The following TSPEAR variants were observed in gnomAD, a reference collection of about 807,000 sequenced individuals.
TSPEAR encodes the protein thrombospondin-type laminin G domain and EAR repeat-containing protein.
In TSPEAR, 69 loss-of-function variants were observed where a neutral mutation model predicts 71.6. That is an observed-to-expected ratio of 0.96 (90% CI 0.79 to 1.18). TSPEAR has a LOEUF of 1.18. Ranked by LOEUF, TSPEAR falls within the 50% of genes most tolerant of loss-of-function variation. The pLI, the probability that TSPEAR is intolerant of heterozygous loss-of-function variation, is 0.00. For synonymous variants in TSPEAR, 402 were observed against 387.2 expected (o/e 1.04, Z -0.45); for missense variants, 971 against 894.9 (o/e 1.09, Z -1.09).
chr21:44,705,875 C>T (rs889301338), intron 1 of TSPEAR, among the ~76,000 whole-genome samples: 1 of 152,258 alleles, frequency 6.6e-6, no homozygotes, highest in South Asian at 2.1e-4. Context: ...CACACCTATT[C>T]GCACACTCCT....
chr21:44,540,229 TG>T, intron 2 of TSPEAR: 1 of 1,566,694 alleles, frequency 6.4e-7, no homozygotes, highest in Non-Finnish European at 8.7e-7. Flanking sequence ...AGTGACTGAG[TG>T]TGTGAGTGAG....
At chr21:44,585,366 C>G (rs1601447887) in intron 1 of TSPEAR, among the ~76,000 whole-genome samples, 1 of 152,306 alleles carries the variant, frequency 6.6e-6, no homozygotes, top group South Asian at 2.1e-4. Context: ...TTCATTTCAC[C>G]AGACCCCTCC....
Position 44,528,462 on chromosome 21 carries a change from G to C in TSPEAR, c.912C>G (p.Ser304=). The change falls in exon 6 of 12, where the codon TCC becomes TCG. Residue 304 remains serine, a synonymous_variant. Transcript: ENST00000323084. The part of the protein sequence containing the change: ...LYLCVGNEWV[S]VLAAKERLDY... ...GCAGGGCTGCCTCACCTGCTAACAC[G>C]GAGACCCACTCGTTGCCAACACACA... The C allele has an allele frequency of 6.2e-7, 1 of 1,613,842 alleles. No individual in the cohort carries two copies. Among genetic ancestry groups the C allele is most frequent in the Non-Finnish European group, 8.5e-7 (1 of 1,179,924 alleles).
intron 1 of TSPEAR, among the ~76,000 whole-genome samples, chr21:44,645,871 G>A (rs1271461170): frequency 2.6e-5 from 4 of 151,760 alleles, no homozygotes; most frequent in Admixed American, 2.0e-4. Flanking sequence ...CGGACGCGGT[G>A]GCTCACGCCT....
intron 1 of TSPEAR, among the ~76,000 whole-genome samples, chr21:44,582,772 T>C (rs1006316513): frequency 6.6e-6 from 1 of 152,226 alleles, no homozygotes; most frequent in Non-Finnish European, 1.5e-5. Context: ...CCACGGACAA[T>C]TGAATGATCA....
intron 1 of TSPEAR, among the ~76,000 whole-genome samples, chr21:44,664,121 T>C (rs1555944248): frequency 6.6e-6 from 1 of 152,150 alleles, no homozygotes; most frequent in Non-Finnish European, 1.5e-5. Flanking sequence ...GTAAAAAGCA[T>C]GCAGCCTGGA....
chr21:44,565,986 C>G (rs1555921696), intron 2 of TSPEAR, among the ~76,000 whole-genome samples: 3 of 152,178 alleles, frequency 2.0e-5, no homozygotes. Context: ...CCCAGACCAG[C>G]CTGGCCAACA....
In TSPEAR at chr21:44,581,260, G is replaced by C. The variant is rs1438155567; in HGVS notation, c.83-13255C>G. On this transcript the variant is annotated intron_variant, in intron 1 of 11. Coordinates refer to ENST00000323084, the MANE Select transcript of TSPEAR (RefSeq NM_144991.3). Reference sequence around the variant, plus strand: ...GTTTTCTCCATTTTTATTTCCTCATGGTGACAGATCAAGTACTTTTTCACA... The same window carrying C: ...GTTTTCTCCATTTTTATTTCCTCATCGTGACAGATCAAGTACTTTTTCACA... Among the ~76,000 whole-genome samples, 6 of 152,092 alleles carry C rather than the reference G, an allele frequency of 3.9e-5. No individual in the cohort carries two copies. In the East Asian group the frequency reaches 1.2e-3, roughly 29 times the overall value.
intron 2 of TSPEAR, among the ~76,000 whole-genome samples, chr21:44,562,380 C>G (rs1601419436): frequency 6.6e-6 from 1 of 152,116 alleles, no homozygotes; most frequent in Non-Finnish European, 1.5e-5. Flanking sequence ...TAGGAAGAAT[C>G]GATATCATGA....
intron 2 of TSPEAR, chr21:44,539,145 G>C: frequency 7.7e-7 from 1 of 1,301,918 alleles, no homozygotes; most frequent in Non-Finnish European, 1.0e-6. Context: ...AAGGATGGAG[G>C]CTCCTGGGAG....
chr21:44,518,034 C>T (rs587735198), intron 9 of TSPEAR, among the ~76,000 whole-genome samples: 19 of 152,292 alleles, frequency 1.2e-4, no homozygotes, highest in African/African-American at 4.1e-4. Context: ...CTAGAAGATA[C>T]TCTTAACTTT....
chr21:44,702,808 C>A, intron 1 of TSPEAR: 2 of 1,199,682 alleles, frequency 1.7e-6, no homozygotes, highest in Non-Finnish European at 2.4e-6. Context: ...CTGACGGGCA[C>A]GTCCCCCAGG....
intron 1 of TSPEAR, among the ~76,000 whole-genome samples, chr21:44,590,558 G>C (rs931596220): frequency 4.6e-5 from 7 of 152,206 alleles, no homozygotes; most frequent in Admixed American, 4.6e-4. Context: ...CGAATACTGG[G>C]CTGCTGGGCT....
In TSPEAR at chr21:44,573,725, C is replaced by T. The variant is rs781845636; in HGVS notation, c.83-5720G>A. ...TCGCTCACCCACTCCCTCCCATCTC[C>T]CCCAGCTCAACCCCCAGCACAGCAG... On this transcript the variant is annotated intron_variant, in intron 1 of 11. Coordinates refer to ENST00000323084, the MANE Select transcript of TSPEAR (RefSeq NM_144991.3). 8 of 1,596,966 alleles carry T rather than the reference C, an allele frequency of 5.0e-6. No homozygotes were observed. In the South Asian group the frequency reaches 9.1e-5, roughly 18 times the overall value.
At chr21:44,701,784 G>A (rs554835506) in intron 1 of TSPEAR, among the ~76,000 whole-genome samples, 1 of 129,918 alleles carries the variant, frequency 7.7e-6, no homozygotes, top group East Asian at 2.2e-4. Context: ...CTCCCCTCCG[G>A]CTGTAAAGCT....
intron 1 of TSPEAR, among the ~76,000 whole-genome samples, chr21:44,590,847 G>A (rs1453466991): frequency 5.3e-5 from 8 of 151,998 alleles, no homozygotes; most frequent in Non-Finnish European, 1.2e-4. Context: ...GATGGGCCGG[G>A]GGGCCATGTG....
At chr21:44,557,497 G>A (rs1281861869) in intron 2 of TSPEAR, among the ~76,000 whole-genome samples, 11 of 152,160 alleles carry the variant, frequency 7.2e-5, no homozygotes, top group Non-Finnish European at 1.6e-4. Context: ...ATGATGAGTG[G>A]GGGTCAGACA....
Position 44,509,302 on chromosome 21 carries a change from CCA to C in TSPEAR, c.1649_1650del (p.Val550GlyfsTer7). 1 of 1,614,110 alleles carries C rather than the reference CCA, an allele frequency of 6.2e-7. No individual in the cohort carries two copies. The highest frequency in any genetic ancestry group is 8.5e-7 in the Non-Finnish European group (1 of 1,180,016). ...LAVANSHSYD[V>X]EMQVQNDSYV... ...TAGGAATCATTCTGGACTTGCATCT[CCA>C]CATCGTAGCTGTGACTGTTTGCCAC... On this transcript the variant is annotated frameshift_variant, in exon 10 of 12. Coordinates refer to ENST00000323084, the MANE Select transcript of TSPEAR (RefSeq NM_144991.3). LOFTEE classifies it high-confidence loss of function.
intron 2 of TSPEAR, among the ~76,000 whole-genome samples, chr21:44,535,936 A>G (rs1051783828): frequency 5.3e-4 from 80 of 150,628 alleles, no homozygotes; most frequent in East Asian, 3.9e-4. Flanking sequence ...AAAACTATCT[A>G]TGGGGCTATT....
Sources: gnomAD v4.1 joint callset for allele counts (sites outside exome capture counted in the v4.1 genomes callset) on GRCh38, gnomAD v4.1.1 for gene constraint, MANE v1.5 for transcripts, NCBI Gene and HGNC (gene_info 2026-07-23, HGNC 2026-07-21) for gene names.